The following UGT1A10 variants were observed in gnomAD, a reference collection of about 807,000 sequenced individuals.
UGT1A10 encodes the protein UDP-glucuronosyltransferase 1A10.
UGT1A10 carries 49 observed loss-of-function variants against 45.8 expected under a neutral mutation model. The observed-to-expected ratio is 1.07, with a 90% CI of 0.85 to 1.36. UGT1A10 has a LOEUF of 1.36. UGT1A10 is among the 40% of genes most tolerant of loss of function. UGT1A10 has a pLI of 0.00. For missense variants in UGT1A10, 745 were observed against 668.6 expected (o/e 1.11, Z -1.26); for synonymous variants, 284 against 249.7 (o/e 1.14, Z -1.29).
At chr2:233,647,688 T>A (rs1444688573) in intron 1 of UGT1A10, among the ~76,000 whole-genome samples, 1 of 152,244 alleles carries the variant, frequency 6.6e-6, no homozygotes, top group Non-Finnish European at 1.5e-5. Context: ...AACTTGTTCA[T>A]GTTTCTTATT....
At chr2:233,641,320 AC>A (rs1395545253) in intron 1 of UGT1A10, among the ~76,000 whole-genome samples, 1 of 152,304 alleles carries the variant, frequency 6.6e-6, no homozygotes, top group East Asian at 1.9e-4. Flanking sequence ...TATCTTATAA[AC>A]CTTATTTTAA....
chr2:233,687,382 A>T (rs951663704), intron 1 of UGT1A10, among the ~76,000 whole-genome samples: 1 of 152,126 alleles, frequency 6.6e-6, no homozygotes, highest in African/African-American at 2.4e-5. Context: ...AGAATTTGCA[A>T]ATTAAATATA....
At chr2:233,659,408 T>C (rs1341958295) in intron 1 of UGT1A10, among the ~76,000 whole-genome samples, 1 of 152,204 alleles carries the variant, frequency 6.6e-6, no homozygotes, top group Non-Finnish European at 1.5e-5. Context: ...TGTATTATTG[T>C]AATAAAGTCA....
At chr2:233,736,636 C>T (rs1288684741) in intron 1 of UGT1A10, among the ~76,000 whole-genome samples, 1 of 152,166 alleles carries the variant, frequency 6.6e-6, no homozygotes, top group Non-Finnish European at 1.5e-5. Context: ...GCTCTAGTTT[C>T]CCCCCATCTT....
At chr2:233,707,112 T>C (rs542800224) in intron 1 of UGT1A10, among the ~76,000 whole-genome samples, 1 of 152,242 alleles carries the variant, frequency 6.6e-6, no homozygotes, top group South Asian at 2.1e-4. Context: ...ACCCCCAAAA[T>C]ACTCTGCATT....
At chr2:233,691,657 C>T in intron 1 of UGT1A10, 1 of 984,560 alleles carries the variant, frequency 1.0e-6, no homozygotes, top group Non-Finnish European at 1.2e-6. Flanking sequence ...GTGACCCTCC[C>T]TTTCTGGGCC....
chr2:233,672,238 G>T, intron 1 of UGT1A10: 1 of 1,613,980 alleles, frequency 6.2e-7, no homozygotes, highest in Non-Finnish European at 8.5e-7. Context: ...GAAAGCACAA[G>T]TACGAAGTAT....
chr2:233,677,392 A>G (rs750782049), intron 1 of UGT1A10, among the ~76,000 whole-genome samples: 1 of 152,226 alleles, frequency 6.6e-6, no homozygotes, highest in Non-Finnish European at 1.5e-5. Context: ...GAAAATCCGC[A>G]TAGAACTTTT....
chr2:233,762,461 T>G (rs1698085001), intron 1 of UGT1A10, among the ~76,000 whole-genome samples: 1 of 152,214 alleles, frequency 6.6e-6, no homozygotes, highest in African/African-American at 2.4e-5. Flanking sequence ...TTACCGATAA[T>G]GTCATGGATA....
chr2:233,719,640 G>T lies in UGT1A10; in HGVS notation c.856-47394G>T, dbSNP rs560127147. ...CCCCAGGCCGATCATGCCCAACATG[G>T]TCTTCATTGGGGGCATCAACTGTGC... On this transcript the variant is annotated intron_variant, in intron 1 of 4. Transcript: ENST00000344644. 1.8e-5 allele frequency: 29 copies of T among 1,614,046 alleles called. 1 individual carries two copies. The East Asian group carries it at 2.0e-4, about 11-fold the overall frequency.
chr2:233,719,188 C>T (rs771753301), intron 1 of UGT1A10: 23 of 1,614,004 alleles, frequency 1.4e-5, no homozygotes, highest in Admixed American at 1.0e-4. Flanking sequence ...GTATCTTTGG[C>T]CCTTCATAGG....
chr2:233,650,286 T>A (rs2073708252), intron 1 of UGT1A10, among the ~76,000 whole-genome samples: 1 of 152,222 alleles, frequency 6.6e-6, no homozygotes, highest in Non-Finnish European at 1.5e-5. Context: ...TGGATCCCAC[T>A]TGTTTATAAT....
chr2:233,757,137 G>T (rs1343266624), intron 1 of UGT1A10, among the ~76,000 whole-genome samples: 1 of 151,428 alleles, frequency 6.6e-6, no homozygotes, highest in Non-Finnish European at 1.5e-5. Flanking sequence ...AATGAGCTTG[G>T]ACAGGTGGGC....
At chr2:233,745,354 T>C (rs893608490) in intron 1 of UGT1A10, among the ~76,000 whole-genome samples, 4 of 151,848 alleles carry the variant, frequency 2.6e-5, no homozygotes, top group African/African-American at 9.7e-5. Flanking sequence ...TTTGGGGGAA[T>C]TTTTTTGAGA....
chr2:233,677,066 C>A (rs1252813499), intron 1 of UGT1A10, among the ~76,000 whole-genome samples: 1 of 151,404 alleles, frequency 6.6e-6, no homozygotes, highest in Non-Finnish European at 1.5e-5. Context: ...AAAATAAGTT[C>A]ATTAATGTGT....
intron 1 of UGT1A10, among the ~76,000 whole-genome samples, chr2:233,748,613 G>A (rs1489441058): frequency 2.0e-5 from 3 of 151,820 alleles, no homozygotes; most frequent in African/African-American, 7.3e-5. Flanking sequence ...AGCAACGAAC[G>A]TGGGATATAT....
At chr2:233,736,628 T>C (rs1418847955) in intron 1 of UGT1A10, among the ~76,000 whole-genome samples, 1 of 152,228 alleles carries the variant, frequency 6.6e-6, no homozygotes, top group Admixed American at 6.5e-5. Context: ...GCTTTTCTGC[T>C]CTAGTTTCCC....
At position 233,772,434 on chromosome 2, in the gene UGT1A10, G is replaced by A; in HGVS notation, c.1468G>A (p.Gly490Ser). The change falls in exon 5 of 5, where the codon GGT (glycine) becomes AGT (serine). Residue 490 changes from glycine to serine, a missense_variant. Physicochemically the swap from Gly to Ser is moderately conservative, Grantham distance 56 (BLOSUM62 0). Coordinates refer to ENST00000344644, the MANE Select transcript of UGT1A10 (RefSeq NM_019075.4). ...CCAGTACCATTCCTTGGACGTGATT[G>A]GTTTCCTCTTGGCCGTCGTGCTGAC... ...WYQYHSLDVI[G>S]FLLAVVLTVA... The A allele has an allele frequency of 1.2e-6, 2 of 1,614,176 alleles. No individual in the cohort carries two copies. Among genetic ancestry groups the A allele is most frequent in the Non-Finnish European group, 1.7e-6 (2 of 1,180,036 alleles).
At chr2:233,709,716 G>T (rs2076087983) in intron 1 of UGT1A10, among the ~76,000 whole-genome samples, 1 of 152,154 alleles carries the variant, frequency 6.6e-6, no homozygotes, top group Non-Finnish European at 1.5e-5. Context: ...TTAATTGAAT[G>T]ATATGTTTTC....
Sources: allele counts gnomAD v4.1 joint callset (sites outside exome capture counted in the v4.1 genomes callset), GRCh38; gene constraint gnomAD v4.1.1; transcripts MANE v1.5; gene names NCBI Gene and HGNC (gene_info 2026-07-23, HGNC 2026-07-21).